The following TMEFF1 variants were observed in gnomAD, a reference collection of about 807,000 sequenced individuals.
The protein encoded by TMEFF1 is transmembrane protein with EGF like and two follistatin like domains 1.
TMEFF1 carries 20 observed loss-of-function variants against 47.5 expected under a neutral mutation model. That is an observed-to-expected ratio of 0.42 (90% CI 0.30 to 0.61). The LOEUF is 0.61. TMEFF1 is among the 20% of genes least tolerant of loss of function. The pLI is 0.19. For missense variants in TMEFF1, 411 were observed against 471.1 expected (o/e 0.87, Z 1.18); for synonymous variants, 162 against 166.3 (o/e 0.97, Z 0.20).
At chr9:100,519,790 C>T (rs1449582258) in intron 5 of TMEFF1, among the ~76,000 whole-genome samples, 1 of 151,358 alleles carries the variant, frequency 6.6e-6, no homozygotes, top group Non-Finnish European at 1.5e-5. Context: ...TAGTTCTTAG[C>T]TGGCATCTAG....
At chr9:100,485,452 C>T (rs1837430805) in intron 1 of TMEFF1, among the ~76,000 whole-genome samples, 1 of 152,208 alleles carries the variant, frequency 6.6e-6, no homozygotes, top group African/African-American at 2.4e-5. Context: ...TAAATGGTTG[C>T]AGCATTTCAC....
intron 4 of TMEFF1, among the ~76,000 whole-genome samples, chr9:100,513,873 G>A (rs58407864): frequency 0.12 from 17,919 of 152,150 alleles, 1,182 homozygotes; most frequent in Middle Eastern, 0.18. Flanking sequence ...AACAACTCTC[G>A]TGGAATTTAG....
At chr9:100,489,037 C>A (rs1388263443) in intron 1 of TMEFF1, among the ~76,000 whole-genome samples, 2 of 151,986 alleles carry the variant, frequency 1.3e-5, no homozygotes, top group Non-Finnish European at 2.9e-5. Context: ...TTCTATCACC[C>A]CAGAAAGTTT....
At chr9:100,511,047 C>T (rs766842912) in intron 3 of TMEFF1, among the ~76,000 whole-genome samples, 4 of 152,132 alleles carry the variant, frequency 2.6e-5, no homozygotes, top group African/African-American at 4.8e-5. Flanking sequence ...AGGGAAAAGA[C>T]GAGACCTCTC....
intron 5 of TMEFF1, among the ~76,000 whole-genome samples, chr9:100,527,270 A>C (rs1375085120): frequency 6.6e-6 from 1 of 152,252 alleles, no homozygotes; most frequent in Non-Finnish European, 1.5e-5. Flanking sequence ...GCTCCGGTCT[A>C]CAGCTCCCAG....
chr9:100,544,205 C>T (rs1408228598), intron 5 of TMEFF1, among the ~76,000 whole-genome samples: 1 of 151,910 alleles, frequency 6.6e-6, no homozygotes, highest in Non-Finnish European at 1.5e-5. Context: ...TTATTTGTCT[C>T]CTGTTCCCAG....
At chr9:100,530,214 G>A (rs1332512393) in intron 5 of TMEFF1, among the ~76,000 whole-genome samples, 3 of 151,894 alleles carry the variant, frequency 2.0e-5, no homozygotes, top group Admixed American at 1.3e-4. Context: ...ACATTCAAAA[G>A]CTAGCAGAAG....
At chr9:100,573,093 G>C (rs1041316292) in intron 9 of TMEFF1, among the ~76,000 whole-genome samples, 9 of 151,744 alleles carry the variant, frequency 5.9e-5, no homozygotes, top group African/African-American at 2.2e-4. Flanking sequence ...TGGTCCTCCA[G>C]AGTAGCTGAG....
At chr9:100,513,233 A>G (rs1838000757) in intron 3 of TMEFF1, 74 bp from the exon 4 acceptor site, 1 of 1,565,136 alleles carries the variant, frequency 6.4e-7, no homozygotes, top group Non-Finnish European at 8.6e-7. Context: ...TATTTTTGAT[A>G]GGAAATTTTA....
intron 1 of TMEFF1, among the ~76,000 whole-genome samples, chr9:100,481,894 G>T (rs1837343970): frequency 6.6e-6 from 1 of 152,038 alleles, no homozygotes; most frequent in Non-Finnish European, 1.5e-5. Flanking sequence ...CGATTCTCCT[G>T]CCTTAGCCTC....
intron 7 of TMEFF1, among the ~76,000 whole-genome samples, chr9:100,556,225 C>G (rs1229634248): frequency 6.6e-6 from 1 of 152,144 alleles, no homozygotes; most frequent in East Asian, 1.9e-4. Flanking sequence ...ACCATAGTGC[C>G]TGGAACGTAA....
rs1838696091 is a variant in TMEFF1, at chr9:100,544,485, C to T, written c.561-3259C>T. Among the ~76,000 whole-genome samples the T allele has an allele frequency of 2.0e-5, 3 of 152,168 alleles. No individual in the cohort carries two copies. In the South Asian group the frequency reaches 6.2e-4, roughly 32 times the overall value. On this transcript the variant is annotated intron_variant, in intron 5 of 9. Transcript: ENST00000374879. ...GAGAGCAGCACAGGAAAGACCCACCCCCATAATTCAGTCACCTCCTACCGG... is the reference window on the plus strand; with the variant it reads ...GAGAGCAGCACAGGAAAGACCCACCTCCATAATTCAGTCACCTCCTACCGG...
chr9:100,564,329 C>T (rs1482123543), intron 8 of TMEFF1, among the ~76,000 whole-genome samples: 4 of 152,218 alleles, frequency 2.6e-5, no homozygotes, highest in Non-Finnish European at 4.4e-5. Context: ...CCTGCCTCAG[C>T]CTCCCAAAGT....
At chr9:100,561,650 A>G (rs1441506826) in intron 8 of TMEFF1, 130 bp downstream of exon 8, 2 of 1,328,930 alleles carry the variant, frequency 1.5e-6, no homozygotes, top group Non-Finnish European at 1.9e-6. Flanking sequence ...CAAGTAAAAA[A>G]CAAATCAGCA....
Position 100,483,249 on chromosome 9 carries a change from C to A in TMEFF1, c.196+9509C>A, listed in dbSNP as rs545035491. Among the ~76,000 whole-genome samples, 5 of 152,290 alleles carry A rather than the reference C, an allele frequency of 3.3e-5. No homozygotes were observed. The South Asian group carries it at 8.3e-4, about 25-fold the overall frequency. ...CAGTGGCTCATGCCTGTGATCCCAG[C>A]ACTTTGGGAGCCCGAGGCGGGTGGA... On this transcript the variant is annotated intron_variant, in intron 1 of 9. Coordinates refer to ENST00000374879, the MANE Select transcript of TMEFF1 (RefSeq NM_003692.5).
intron 5 of TMEFF1, among the ~76,000 whole-genome samples, chr9:100,534,717 A>T (rs1056272689): frequency 6.6e-6 from 1 of 152,192 alleles, no homozygotes; most frequent in African/African-American, 2.4e-5. Flanking sequence ...GTACCATCCC[A>T]CTAAGGAGCA....
intron 1 of TMEFF1, among the ~76,000 whole-genome samples, chr9:100,490,976 G>T (rs1239578007): frequency 6.6e-6 from 1 of 151,876 alleles, no homozygotes; most frequent in Non-Finnish European, 1.5e-5. Flanking sequence ...AAGTAGCTGG[G>T]ACTACAGGCC....
At chr9:100,514,576 C>T (rs960387099) in intron 4 of TMEFF1, among the ~76,000 whole-genome samples, 4 of 151,520 alleles carry the variant, frequency 2.6e-5, no homozygotes, top group Admixed American at 6.6e-5. Flanking sequence ...TTGGGCTGGG[C>T]GCAGTGGCTC....
At chr9:100,544,256 A>G (rs573495913) in intron 5 of TMEFF1, among the ~76,000 whole-genome samples, 8 of 152,270 alleles carry the variant, frequency 5.3e-5, no homozygotes, top group African/African-American at 1.2e-4. Context: ...TGATAAAGAC[A>G]TACTAGACAC....
Sources: allele counts gnomAD v4.1 joint callset (sites outside exome capture counted in the v4.1 genomes callset), GRCh38; gene constraint gnomAD v4.1.1; transcripts MANE v1.5; gene names NCBI Gene and HGNC (gene_info 2026-07-23, HGNC 2026-07-21).